The following DNAH9 variants were observed in gnomAD, a reference collection of about 807,000 sequenced individuals.
DNAH9 encodes the protein dynein axonemal heavy chain 9, also known as DNAH9 variant protein.
In DNAH9, 345 loss-of-function variants were observed where a neutral mutation model predicts 471.6. The observed-to-expected ratio is 0.73, with a 90% CI of 0.67 to 0.80. The LOEUF is 0.80. DNAH9 is among the 30% of genes least tolerant of loss of function. DNAH9 has a pLI of 0.00. For missense variants in DNAH9, 5,407 were observed against 5,609.2 expected (o/e 0.96, Z 1.15); for synonymous variants, 2,093 against 2,123.6 (o/e 0.99, Z 0.40).
chr17:11,699,921 C>G (rs764914192), intron 23 of DNAH9, 38 bp downstream of exon 23: 3 of 1,604,582 alleles, frequency 1.9e-6, no homozygotes, highest in Admixed American at 1.7e-5. Context: ...CTGCTTTTCT[C>G]TCTCAAATGC....
At position 11,797,661 on chromosome 17, in the gene DNAH9, T is replaced by C. The variant is rs202055841; in HGVS notation, c.8288T>C (p.Ile2763Thr). ...CTGTATTGTCACTTTGCAAATGGTA[T>C]TGGGGAGCCCAAATACATGCCTGTA... ...PNLYCHFANG[I>T]GEPKYMPVQS... The change falls in exon 43 of 69, where the codon ATT becomes ACT. Residue 2763 changes from isoleucine to threonine, a missense_variant. This residue lies in a region of DNAH9 where 4,636 missense variants were observed against 4,900.3 expected (regional missense o/e 0.95). Coordinates refer to ENST00000262442, the MANE Select transcript of DNAH9 (RefSeq NM_001372.4). 14 of 1,614,222 alleles carry C rather than the reference T, an allele frequency of 8.7e-6. No individual in the cohort carries two copies. The highest frequency in any genetic ancestry group is 2.2e-5 in the East Asian group (1 of 44,880).
intron 30 of DNAH9, 113 bp downstream of exon 30, chr17:11,742,426 C>A: frequency 9.4e-7 from 1 of 1,066,050 alleles, no homozygotes; most frequent in South Asian, 1.5e-5. Context: ...CATAGAAAGT[C>A]ACTGTACCCA....
intron 61 of DNAH9, among the ~76,000 whole-genome samples, chr17:11,910,115 C>T (rs1467404015): frequency 2.6e-5 from 4 of 152,038 alleles, no homozygotes; most frequent in Non-Finnish European, 4.4e-5. Context: ...ATTAGCTGGG[C>T]ATGGTGGCGG....
intron 26 of DNAH9, among the ~76,000 whole-genome samples, chr17:11,712,534 A>T (rs2074889140): frequency 6.6e-6 from 1 of 152,114 alleles, no homozygotes; most frequent in Non-Finnish European, 1.5e-5. Flanking sequence ...TTACATTTAC[A>T]CCAACAACAT....
rs1365499037 is a variant in DNAH9, at chr17:11,598,858, G to A, written c.360G>A (p.Val120=). 3 of 1,539,800 alleles carry A rather than the reference G, an allele frequency of 1.9e-6. No homozygotes were observed. The highest frequency in any genetic ancestry group is 1.2e-5 in the South Asian group (1 of 84,922). The part of the protein sequence containing the change: ...PPGPDSFRGA[V]VCGDLPAAPL... ...GGCCCGACAGCTTCCGCGGCGCAGTGGTCTGCGGGGACCTGCCCGCGGCAC... is the reference window on the plus strand; with the variant it reads ...GGCCCGACAGCTTCCGCGGCGCAGTAGTCTGCGGGGACCTGCCCGCGGCAC... Residue 120 remains valine (V), a synonymous_variant, in exon 1 of 69, where the codon GTG becomes GTA. Coordinates refer to ENST00000262442, the MANE Select transcript of DNAH9 (RefSeq NM_001372.4).
At chr17:11,882,300 C>T (rs576896610) in intron 55 of DNAH9, among the ~76,000 whole-genome samples, 3 of 152,264 alleles carry the variant, frequency 2.0e-5, no homozygotes, top group Admixed American at 1.3e-4. Flanking sequence ...CCTCATTTAA[C>T]CTTAATTACC....
At chr17:11,890,430 G>C (rs548834506) in intron 57 of DNAH9, among the ~76,000 whole-genome samples, 3 of 152,102 alleles carry the variant, frequency 2.0e-5, no homozygotes, top group Non-Finnish European at 4.4e-5. Context: ...AAACACCCTG[G>C]AACCATGGAA....
intron 41 of DNAH9, 72 bp from the exon 42 acceptor site, chr17:11,793,431 A>C: frequency 2.1e-6 from 3 of 1,431,540 alleles, no homozygotes; most frequent in Non-Finnish European, 2.9e-6. Context: ...AAAATGCTCC[A>C]GGAAGTTTTC....
chr17:11,695,428 G>A (rs1265411334), intron 22 of DNAH9, among the ~76,000 whole-genome samples: 2 of 152,208 alleles, frequency 1.3e-5, no homozygotes, highest in East Asian at 3.9e-4. Flanking sequence ...ACTGAATATG[G>A]AGGTAAGGCT....
chr17:11,850,172 G>C (rs1273217833), intron 49 of DNAH9, among the ~76,000 whole-genome samples: 3 of 152,196 alleles, frequency 2.0e-5, no homozygotes, highest in Admixed American at 6.5e-5. Flanking sequence ...GAGAGGATGG[G>C]TGGGAGGAGG....
intron 31 of DNAH9, 106 bp from the exon 32 acceptor site, chr17:11,747,450 T>A: frequency 1.2e-6 from 1 of 813,192 alleles, no homozygotes. Context: ...TCTTCCTCTG[T>A]TGACTTCAGG....
At chr17:11,654,515 CAGTG>C (rs2073595688) in intron 14 of DNAH9, among the ~76,000 whole-genome samples, 4 of 151,986 alleles carry the variant, frequency 2.6e-5, no homozygotes, top group Admixed American at 2.6e-4. Flanking sequence ...ATCACAAAAT[CAGTG>C]AGACAAGCAC....
Position 11,852,412 on chromosome 17 carries a change from G to C in DNAH9, c.9508-1591G>C, listed in dbSNP as rs534269911. Among the ~76,000 whole-genome samples the C allele has an allele frequency of 3.9e-5, 6 of 152,206 alleles. No homozygotes were observed. In the South Asian group the frequency reaches 8.3e-4, roughly 21 times the overall value. ...CTGGCAGACAGCCTAATGCTTAGCT[G>C]TCTGACCCATGACCAGGGGGTCCTT... On this transcript the variant is annotated intron_variant, in intron 49 of 68. Coordinates refer to ENST00000262442, the MANE Select transcript of DNAH9 (RefSeq NM_001372.4).
At chr17:11,873,792 T>TG (rs1391132434) in intron 52 of DNAH9, among the ~76,000 whole-genome samples, 4 of 138,690 alleles carry the variant, frequency 2.9e-5, no homozygotes, top group Non-Finnish European at 6.1e-5. Flanking sequence ...TTGGGGGTGA[T>TG]GAAATGTTTT....
At position 11,931,875 on chromosome 17, in the gene DNAH9, G is replaced by A. The variant is rs1009574635; in HGVS notation, c.12106-139G>A. 2.4e-5 allele frequency: 22 copies of A among 904,558 alleles called. No homozygotes were observed. The Admixed American group carries it at 4.7e-4, about 19-fold the overall frequency. The allele number at this position is 904,558 out of a possible 1,614,324, so 56.0% of individuals were successfully genotyped here. On this transcript the variant is annotated intron_variant, in intron 63 of 68. Coordinates refer to ENST00000262442, the MANE Select transcript of DNAH9 (RefSeq NM_001372.4). ...CCCTTCCACACGTTCCCCCCAGGCT[G>A]TAGTCTCGCTGTAACTCAAACCCAA...
rs539193266 is a variant in DNAH9 at position 11,752,109 on chromosome 17, G to A, written c.6611-724G>A. Among the ~76,000 whole-genome samples, 31 of 152,246 alleles carry A rather than the reference G, an allele frequency of 2.0e-4. No homozygotes were observed. In the South Asian group the frequency reaches 2.5e-3, roughly 12 times the overall value. On this transcript the variant is annotated intron_variant, in intron 32 of 68. Transcript: ENST00000262442. ...GCCATATGTGAATAAATGAACAGAC[G>A]TACCATACTATTAACTAGGGAAGTT...
intron 26 of DNAH9, chr17:11,705,420 G>T: frequency 2.1e-6 from 1 of 480,902 alleles, no homozygotes; most frequent in Admixed American, 3.3e-5. Flanking sequence ...ATTACTAAAT[G>T]GTCATACACA....
chr17:11,844,984 C>CTTT lies in DNAH9; in HGVS notation c.9508-9012_9508-9010dup, dbSNP rs553196445. 7.2e-3 allele frequency among the ~76,000 whole-genome samples: 1,086 copies of CTTT among 149,892 alleles called. 13 individuals are homozygous for CTTT. The highest frequency in any genetic ancestry group is 0.024 in the African/African-American group (984 of 40,778). Reference sequence around the variant, plus strand: ...AGTGTCTGTTCATGTCCTTTGTCCACTTTTTTTTTACCATCTTTTTTTTTT... The same window carrying CTTT: ...AGTGTCTGTTCATGTCCTTTGTCCACTTTTTTTTTTTTACCATCTTTTTTTTTT... On this transcript the variant is annotated intron_variant, in intron 49 of 68. Transcript: ENST00000262442.
intron 60 of DNAH9, among the ~76,000 whole-genome samples, chr17:11,903,509 G>A (rs1973484509): frequency 6.6e-6 from 1 of 152,174 alleles, no homozygotes; most frequent in Admixed American, 6.5e-5. Context: ...CCTATGGTAT[G>A]TCAATTACAC....
Sources: gnomAD v4.1 joint callset for allele counts (sites outside exome capture counted in the v4.1 genomes callset) on GRCh38, gnomAD v4.1.1 for gene constraint, gnomAD v4.1.1 regional missense constraint, MANE v1.5 for transcripts, NCBI Gene and HGNC (gene_info 2026-07-23, HGNC 2026-07-21) for gene names.